Variants in MPRIP observed in about 807,000 individuals in gnomAD.
The protein encoded by MPRIP is myosin phosphatase Rho interacting protein.
Under a neutral mutation model 234.9 loss-of-function variants are expected in MPRIP, and 59 were observed. The observed-to-expected ratio is 0.25, with a 90% CI of 0.20 to 0.31. MPRIP has a LOEUF of 0.31. Ranked by LOEUF, MPRIP falls within the 10% of genes least tolerant of loss-of-function variation. The pLI, the probability that MPRIP is intolerant of heterozygous loss-of-function variation, is 1.00. For missense variants in MPRIP, 2,436 were observed against 3,071.0 expected (o/e 0.79, Z 4.89); for synonymous variants, 1,144 against 1,263.9 (o/e 0.91, Z 2.01).
Position 17,147,303 on chromosome 17 carries a change from T to C in MPRIP, c.1561-16T>C. The C allele has an allele frequency of 1.2e-6, 2 of 1,613,534 alleles. No individual in the cohort carries two copies. The highest frequency in any genetic ancestry group is 1.1e-5 in the South Asian group (1 of 91,070). On this transcript the variant is annotated splice_polypyrimidine_tract_variant and intron_variant, in intron 10 of 23. Transcript: ENST00000651222. ...GGAGTTGGTAGTCGAGTCATTTTTC[T>C]TTTCTTCCCCTTTAGTGGAAGAAAC... is the stretch of plus-strand genomic sequence containing the variant.
chr17:17,071,649 A>C (rs2089197741), intron 1 of MPRIP, among the ~76,000 whole-genome samples: 1 of 152,162 alleles, frequency 6.6e-6, no homozygotes, highest in South Asian at 2.1e-4. Flanking sequence ...CTCTTCCTAG[A>C]GGCCAGCCAG....
chr17:17,161,238 AG>A lies in MPRIP; in HGVS notation c.2401-1del. The A allele has an allele frequency of 6.3e-7, 1 of 1,595,342 alleles. No individual in the cohort carries two copies. The highest frequency in any genetic ancestry group is 1.1e-5 in the South Asian group (1 of 89,648). ...TAAAAGTGTGTGTCTTTTTGCCAAC[AG>A]CTGGAGCAGAGCCAGAAGGAGGCCT... On this transcript the variant is annotated splice_acceptor_variant, in intron 14 of 23. Coordinates refer to ENST00000651222, the MANE Select transcript of MPRIP (RefSeq NM_001364716.4). LOFTEE classifies it high-confidence loss of function.
intron 9 of MPRIP, among the ~76,000 whole-genome samples, chr17:17,144,596 G>A (rs981421618): frequency 2.0e-5 from 3 of 152,188 alleles, no homozygotes; most frequent in Admixed American, 6.5e-5. Flanking sequence ...GGTGGCTCAC[G>A]TCTGTAATCC....
chr17:17,047,878 G>C (rs1442713580), intron 1 of MPRIP, among the ~76,000 whole-genome samples: 1 of 152,142 alleles, frequency 6.6e-6, no homozygotes, highest in Non-Finnish European at 1.5e-5. Context: ...CACTCAGGAG[G>C]CTGCATAGAG....
chr17:17,141,493 A>G (rs1273682757), intron 7 of MPRIP: 1 of 152,248 alleles, frequency 6.6e-6, no homozygotes, highest in Admixed American at 6.5e-5. Flanking sequence ...GCTGAGGAAG[A>G]CACTTTGTGT....
At chr17:17,134,420 C>G (rs57967810) in intron 5 of MPRIP, among the ~76,000 whole-genome samples, 1,782 of 152,270 alleles carry the variant, frequency 0.012, 42 homozygotes, top group African/African-American at 0.041. Context: ...ACAGGTCGTC[C>G]TGGGGCGGCA....
At chr17:17,083,552 C>T (rs1006793395) in intron 3 of MPRIP, among the ~76,000 whole-genome samples, 4 of 152,130 alleles carry the variant, frequency 2.6e-5, no homozygotes, top group African/African-American at 7.2e-5. Context: ...GGGGCATTAC[C>T]GCTGAGCCCT....
At chr17:17,111,383 C>G (rs181389752) in intron 3 of MPRIP, among the ~76,000 whole-genome samples, 11 of 152,176 alleles carry the variant, frequency 7.2e-5, no homozygotes, top group African/African-American at 2.4e-4. Flanking sequence ...AAGGCCCCAG[C>G]AGGTGTCCTG....
rs780341648 is a variant in MPRIP, at chr17:17,172,748, G to A, written c.6523G>A (p.Glu2175Lys). Residue 2175 changes from glutamate (E) to lysine (K), a missense_variant, in exon 18 of 24, where the codon GAG becomes AAG. This residue lies in a region of MPRIP where 1,998 missense variants were observed against 2,520.3 expected (regional missense o/e 0.79). Transcript: ENST00000651222. ...AHREEMEREL[E>K]KSQRSQISSV... ...CCGGGAGGAAATGGAGCGGGAGCTGGAGAAGAGCCAGCGGTCCCAGATCAG... is the reference window on the plus strand; with the variant it reads ...CCGGGAGGAAATGGAGCGGGAGCTGAAGAAGAGCCAGCGGTCCCAGATCAG... 6.2e-7 allele frequency: 1 copy of A among 1,612,268 alleles called. No homozygotes were observed.
chr17:17,150,188 T>C lies in MPRIP; in HGVS notation c.1674T>C (p.Asp558=), dbSNP rs768281738. 1.2e-6 allele frequency: 2 copies of C among 1,613,808 alleles called. No homozygotes were observed. Among genetic ancestry groups the C allele is most frequent in the South Asian group, 1.1e-5 (1 of 91,026 alleles). ...AAATTGACTTGTCCGCATGTTACGA[T>C]GTCACAGAGTATCCAGTTCAGAGAA... ...DGEIDLSACY[D]VTEYPVQRNY... The change falls in exon 12 of 24, where the codon GAT becomes GAC. Residue 558 remains aspartate, a synonymous_variant. Coordinates refer to ENST00000651222, the MANE Select transcript of MPRIP (RefSeq NM_001364716.4).
intron 3 of MPRIP, among the ~76,000 whole-genome samples, chr17:17,104,689 C>T (rs180670609): frequency 6.6e-6 from 1 of 152,312 alleles, no homozygotes; most frequent in East Asian, 1.9e-4. Flanking sequence ...TCCTTGCCTC[C>T]CCCTCAGCCA....
intron 1 of MPRIP, among the ~76,000 whole-genome samples, chr17:17,053,477 A>G (rs935438903): frequency 3.3e-5 from 5 of 152,184 alleles, no homozygotes; most frequent in Admixed American, 3.3e-4. Context: ...GGTCCGTTTT[A>G]TCAGCAATAA....
intron 1 of MPRIP, among the ~76,000 whole-genome samples, chr17:17,048,362 A>C (rs1597710635): frequency 6.6e-6 from 1 of 152,184 alleles, no homozygotes; most frequent in African/African-American, 2.4e-5. Context: ...GTCTCAGGGA[A>C]GCATTTCATC....
intron 6 of MPRIP, 56 bp downstream of exon 6, chr17:17,136,506 A>T (rs2090703138): frequency 6.6e-7 from 1 of 1,520,130 alleles, no homozygotes; most frequent in African/African-American, 1.4e-5. Context: ...CTCCCATCAG[A>T]GCTGGCCCTG....
chr17:17,171,905 C>T (rs765064358), intron 17 of MPRIP, 40 bp downstream of exon 17: 1 of 1,583,846 alleles, frequency 6.3e-7, no homozygotes, highest in Non-Finnish European at 8.6e-7. Flanking sequence ...GGTGGGTGGC[C>T]AGCTTTTTTT....
At chr17:17,104,720 T>C (rs1456690636) in intron 3 of MPRIP, among the ~76,000 whole-genome samples, 2 of 152,216 alleles carry the variant, frequency 1.3e-5, no homozygotes, top group Non-Finnish European at 2.9e-5. Context: ...CTCAGTGCTG[T>C]GCCAGCTAGC....
rs773961972 is a variant in MPRIP, at chr17:17,177,418, T to C, written c.7120+6T>C. On this transcript the variant is annotated splice_donor_region_variant and intron_variant, in intron 22 of 23. Transcript: ENST00000651222. ...TGCCACGGTGTCCGGATATGGTGCGTCCTCGGGTCATGCCCTCTCGGTTAT... is the reference window on the plus strand; with the variant it reads ...TGCCACGGTGTCCGGATATGGTGCGCCCTCGGGTCATGCCCTCTCGGTTAT... 21 of 1,612,040 alleles carry C rather than the reference T, an allele frequency of 1.3e-5. No homozygotes were observed. The highest frequency in any genetic ancestry group is 1.7e-5 in the Non-Finnish European group (20 of 1,178,852).
rs191842408 is a variant in MPRIP at position 17,109,197 on chromosome 17, G to C, written c.268-17505G>C. 5.9e-5 allele frequency among the ~76,000 whole-genome samples: 9 copies of C among 152,322 alleles called. No homozygotes were observed. The East Asian group carries it at 1.5e-3, about 26-fold the overall frequency. On this transcript the variant is annotated intron_variant, in intron 3 of 23. Coordinates refer to ENST00000651222, the MANE Select transcript of MPRIP (RefSeq NM_001364716.4). ...ATCCGTTCTGCCCACTGCTGAGCTC[G>C]TGGGTATATGGGGCACCGTTGCAGG...
chr17:17,104,529 T>C (rs533683308), intron 3 of MPRIP, among the ~76,000 whole-genome samples: 2 of 152,302 alleles, frequency 1.3e-5, no homozygotes, highest in Non-Finnish European at 2.9e-5. Flanking sequence ...AGTCCACGGC[T>C]GTGTTCAAGC....
Sources: gnomAD v4.1 joint callset for allele counts (sites outside exome capture counted in the v4.1 genomes callset) on GRCh38, gnomAD v4.1.1 for gene constraint, gnomAD v4.1.1 regional missense constraint, MANE v1.5 for transcripts, NCBI Gene and HGNC (gene_info 2026-07-23, HGNC 2026-07-21) for gene names.